The following GLI1 variants were observed in gnomAD, a reference collection of about 807,000 sequenced individuals.
GLI1 encodes the protein GLI family zinc finger 1.
GLI1 carries 51 observed loss-of-function variants against 87.8 expected under a neutral mutation model. The ratio of observed to expected loss-of-function variants is 0.58; its 90% confidence interval spans 0.46 to 0.73. The LOEUF is 0.73. Ranked by LOEUF, GLI1 falls within the 30% of genes least tolerant of loss-of-function variation. The probability of loss-of-function intolerance (pLI) is 0.00; values close to 1 mark genes in which losing one functional copy is unlikely to be tolerated. For missense variants in GLI1, 1,292 were observed against 1,437.2 expected, an observed-to-expected ratio of 0.90 and a Z score of 1.63; for synonymous variants, 528 against 558.2, an observed-to-expected ratio of 0.95 and a Z score of 0.76.
Position 57,464,656 on chromosome 12 carries a change from G to A in GLI1, c.194-17G>A, listed in dbSNP as rs3782124. 5.1e-5 allele frequency: 82 copies of A among 1,604,772 alleles called. No individual in the cohort carries two copies. The highest frequency in any genetic ancestry group is 1.2e-4 in the South Asian group (11 of 90,676). ...ATGCCCCTTTACCATATCCGTCTCC[G>A]CTGTCTCCTGCCCCAGGCCCACTCT... On this transcript the variant is annotated splice_polypyrimidine_tract_variant and intron_variant, in intron 3 of 11. Coordinates refer to ENST00000228682, the MANE Select transcript of GLI1 (RefSeq NM_005269.3).
In GLI1 at chr12:57,468,226, T is replaced by G. The variant is rs1565600238; in HGVS notation, c.1308+2T>G. ...CTGACTGTGCCAGAGGGTGCCATGGTGAGAGAGCCCAGGCAACCCTCACCT... is the reference window on the plus strand; with the variant it reads ...CTGACTGTGCCAGAGGGTGCCATGGGGAGAGAGCCCAGGCAACCCTCACCT... On this transcript the variant is annotated splice_donor_variant, in intron 10 of 11. Transcript: ENST00000228682. LOFTEE classifies it high-confidence loss of function. 1 of 1,603,442 alleles carries G rather than the reference T, an allele frequency of 6.2e-7. No individual in the cohort carries two copies.
At chr12:57,462,239 C>T (rs1471042871) in intron 1 of GLI1, among the ~76,000 whole-genome samples, 2 of 150,170 alleles carry the variant, frequency 1.3e-5, no homozygotes, top group Non-Finnish European at 3.0e-5. Context: ...AACATTAGTT[C>T]CAAGGTCGAG....
intron 5 of GLI1, 51 bp from the exon 6 acceptor site, chr12:57,465,556 T>A: frequency 6.8e-7 from 1 of 1,478,694 alleles, no homozygotes; most frequent in Non-Finnish European, 9.4e-7. Context: ...GGTTTCCTCT[T>A]CCTTCTGCTT....
chr12:57,464,632 T>C (rs750850466), intron 3 of GLI1, 41 bp from the exon 4 acceptor site: 4 of 1,467,110 alleles, frequency 2.7e-6, no homozygotes, highest in Non-Finnish European at 2.9e-6. Context: ...TGGAGAGACA[T>C]GCCCCTTTAC....
In GLI1 at chr12:57,465,159, G is replaced by T. The variant is rs148571068; in HGVS notation, c.438G>T (p.Ser146=). The change falls in exon 5 of 12, where the codon TCG becomes TCT. Residue 146 remains serine, a synonymous_variant. Coordinates refer to ENST00000228682, the MANE Select transcript of GLI1 (RefSeq NM_005269.3). ...AGATGAATCACCAAAAAGGGCCCTC[G>T]CCTTCCTTTGGGGTCCAGCCTTGTG... ...PAQMNHQKGP[S]PSFGVQPCGP... 9.9e-6 allele frequency: 16 copies of T among 1,614,042 alleles called. No individual in the cohort carries two copies. In the East Asian group the frequency reaches 3.6e-4, roughly 36 times the overall value.
chr12:57,462,488 T>C (rs1264710927), intron 1 of GLI1, among the ~76,000 whole-genome samples: 1 of 110,228 alleles, frequency 9.1e-6, no homozygotes, highest in Non-Finnish European at 1.8e-5. Flanking sequence ...CCCGGGAGAC[T>C]GGAAAACCCG....
chr12:57,467,169 T>C (rs892083435), intron 8 of GLI1, among the ~76,000 whole-genome samples, 164 bp from the exon 9 acceptor site: 1 of 152,156 alleles, frequency 6.6e-6, no homozygotes, highest in African/African-American at 2.4e-5. Flanking sequence ...TTCTCCAAGT[T>C]CTTGCCTGCC....
At chr12:57,462,042 T>C (rs909264144) in intron 1 of GLI1, among the ~76,000 whole-genome samples, 1 of 152,174 alleles carries the variant, frequency 6.6e-6, no homozygotes, top group Non-Finnish European at 1.5e-5. Context: ...CCCCATTTCC[T>C]TGGAGGCTCT....
At chr12:57,469,805 T>A in intron 11 of GLI1, 107 bp downstream of exon 11, 1 of 971,442 alleles carries the variant, frequency 1.0e-6, no homozygotes, top group Non-Finnish European at 1.5e-6. Flanking sequence ...TTTTGTATAA[T>A]TAGAAAATGG....
At position 57,470,336 on chromosome 12, in the gene GLI1, C is replaced by G. The variant is rs201160292; in HGVS notation, c.1596C>G (p.Arg532=). Residue 532 remains arginine (R), a synonymous_variant, in exon 12 of 12, where the codon CGC becomes CGG. Coordinates refer to ENST00000228682, the MANE Select transcript of GLI1 (RefSeq NM_005269.3). ...TTGCAGGTACCACTGTGTCCCGCCG[C>G]GTGGGCCCCCCAGTCTCTCTTGAAC... is the stretch of plus-strand genomic sequence containing the variant. ...LSHTGTTVSR[R]VGPPVSLERR... The G allele has an allele frequency of 8.9e-6, 14 of 1,574,104 alleles. No homozygotes were observed. Among genetic ancestry groups the G allele is most frequent in the Non-Finnish European group, 1.2e-5 (14 of 1,159,346 alleles).
At chr12:57,467,099 G>T (rs1451576700) in intron 8 of GLI1, among the ~76,000 whole-genome samples, 1 of 152,088 alleles carries the variant, frequency 6.6e-6, no homozygotes, top group Non-Finnish European at 1.5e-5. Flanking sequence ...CCCTGGCTTG[G>T]TCAGAAGATG....
intron 1 of GLI1, among the ~76,000 whole-genome samples, chr12:57,461,833 G>A (rs1207952015): frequency 2.0e-5 from 3 of 152,202 alleles, no homozygotes; most frequent in Non-Finnish European, 2.9e-5. Flanking sequence ...GGGTGCGAGG[G>A]GGACGCTGGA....
chr12:57,471,631 A>G lies in GLI1; in HGVS notation c.2891A>G (p.Tyr964Cys). 1 of 1,613,836 alleles carries G rather than the reference A, an allele frequency of 6.2e-7. No individual in the cohort carries two copies. The highest frequency in any genetic ancestry group is 1.1e-5 in the South Asian group (1 of 91,076). The change falls in exon 12 of 12, where the codon TAT becomes TGT. Residue 964 changes from tyrosine to cysteine, a missense_variant. Physicochemically the swap from Tyr to Cys is radical, Grantham distance 194. This residue lies in a region of GLI1 where 897 missense variants were observed against 1,040.7 expected (regional missense o/e 0.86). Transcript: ENST00000228682. The surrounding 1 kb of genome is among the most constrained non-coding windows in gnomAD (Gnocchi z 4.9). ...PNLPNHKSGS[Y>C]PTPSPCHENF... is the part of the protein sequence containing the mutation. ...TTGCCCAATCACAAGTCAGGTTCCT[A>G]TCCCACCCCTTCACCATGCCATGAA...
At chr12:57,461,830 AG>A (rs1798078868) in intron 1 of GLI1, among the ~76,000 whole-genome samples, 1 of 152,008 alleles carries the variant, frequency 6.6e-6, no homozygotes, top group African/African-American at 2.4e-5. Context: ...CGGGGGTGCG[AG>A]GGGGACGCTG....
intron 11 of GLI1, 74 bp downstream of exon 11, chr12:57,469,772 C>A: frequency 5.1e-6 from 7 of 1,377,846 alleles, no homozygotes; most frequent in Non-Finnish European, 7.1e-6. Flanking sequence ...AGGAAGTCAC[C>A]CTTGAGGGCT....
Position 57,467,568 on chromosome 12 carries a change from T to C in GLI1, c.1077+71T>C, listed in dbSNP as rs1871580035. 11 of 1,325,368 alleles carry C rather than the reference T, an allele frequency of 8.3e-6. No individual in the cohort carries two copies. In the South Asian group the frequency reaches 1.5e-4, roughly 18 times the overall value. 82.1% of individuals were successfully genotyped at this position (1,325,368 alleles called of 1,614,324 possible). A position where few individuals can be genotyped will look rare whatever the true frequency, so the allele number is the denominator to read the frequency against. On this transcript the variant is annotated intron_variant, in intron 9 of 11. Coordinates refer to ENST00000228682, the MANE Select transcript of GLI1 (RefSeq NM_005269.3). ...ACCAGGGAGATTCCCCCATAAGAAATCCCTTAGCCCAGCACCCACTCCACA... is the reference window on the plus strand; with the variant it reads ...ACCAGGGAGATTCCCCCATAAGAAACCCCTTAGCCCAGCACCCACTCCACA...
intron 8 of GLI1, among the ~76,000 whole-genome samples, chr12:57,466,749 TA>T (rs1871513376): frequency 6.6e-6 from 1 of 151,842 alleles, no homozygotes; most frequent in Non-Finnish European, 1.5e-5. Flanking sequence ...CTAAAAAATA[TA>T]AAAATTAGCT....
chr12:57,469,758 G>C (rs970722392), intron 11 of GLI1, 60 bp downstream of exon 11: 5 of 1,537,722 alleles, frequency 3.3e-6, no homozygotes, highest in Non-Finnish European at 4.5e-6. Context: ...CTGAGGTTGA[G>C]AGGAGGAAGT....
chr12:57,470,681 C>T lies in GLI1; in HGVS notation c.1941C>T (p.Asp647=), dbSNP rs1156535019. 1 of 1,612,602 alleles carries T rather than the reference C, an allele frequency of 6.2e-7. No homozygotes were observed. Among genetic ancestry groups the T allele is most frequent in the African/African-American group, 1.3e-5 (1 of 74,930 alleles). The stretch of plus-strand genomic sequence containing the variant: ...CCAGTGACCCAGCCCAGGCTGCTGA[C>T]CGTCCTGCTCCAGCTAGAGTCCAGA... ...RRASDPAQAA[D]RPAPARVQRF... The change falls in exon 12 of 12, where the codon GAC becomes GAT. Residue 647 remains aspartate (D), a synonymous_variant. Transcript: ENST00000228682.
Sources: gnomAD v4.1 joint callset for allele counts (sites outside exome capture counted in the v4.1 genomes callset) on GRCh38, gnomAD v4.1.1 for gene constraint, gnomAD v4.1.1 regional missense constraint, Gnocchi (gnomAD v3.1) non-coding constraint, MANE v1.5 for transcripts, NCBI Gene and HGNC (gene_info 2026-07-23, HGNC 2026-07-21) for gene names.